The following PUDP variants were observed in gnomAD, a reference collection of about 807,000 sequenced individuals.
PUDP encodes the protein pseudouridine 5'-phosphatase, also known as pseudouridine-5'-phosphatase.
A neutral mutation model predicts 9.4 loss-of-function variants in PUDP; 8 were observed. The observed-to-expected ratio is 0.85, with a 90% CI of 0.50 to 1.53. The LOEUF (loss-of-function observed/expected upper bound fraction) is 1.53, where lower values mean the gene tolerates loss of function less well. PUDP is among the 40% of genes most tolerant of loss of function. The pLI, the probability that PUDP is intolerant of heterozygous loss-of-function variation, is 0.00. For missense variants in PUDP, 188 were observed against 189.7 expected (o/e 0.99, Z 0.05); for synonymous variants, 99 against 80.7 (o/e 1.23, Z -1.22).
chrX:6,975,838 G>A (rs1207153667), intron 3 of PUDP, among the ~76,000 whole-genome samples: 1 of 112,237 alleles, frequency 8.9e-6, no homozygotes, highest in African/African-American at 3.2e-5. Flanking sequence ...GTCTCAGGGA[G>A]ATGGGAGTTT....
At chrX:6,716,410 A>G (rs1259983262) in intron 1 of PUDP, among the ~76,000 whole-genome samples, 1 of 111,976 alleles carries the variant, frequency 8.9e-6, no homozygotes, top group Admixed American at 9.5e-5. Context: ...GACAGCTACA[A>G]CGAATGGCTT....
At chrX:7,109,254 A>C (rs1235008004) in intron 1 of PUDP, among the ~76,000 whole-genome samples, 1 of 111,882 alleles carries the variant, frequency 8.9e-6, no homozygotes, top group Non-Finnish European at 1.9e-5. Flanking sequence ...GGGCAAGGAG[A>C]TGGACGGATT....
At chrX:6,969,614 T>C (rs1278272502) in intron 3 of PUDP, among the ~76,000 whole-genome samples, 1 of 112,473 alleles carries the variant, frequency 8.9e-6, no homozygotes. Flanking sequence ...CAGTGGCTCA[T>C]GCTTATAATC....
chrX:7,108,221 G>A (rs1488115296), intron 1 of PUDP, among the ~76,000 whole-genome samples: 1 of 112,557 alleles, frequency 8.9e-6, no homozygotes, highest in Non-Finnish European at 1.9e-5. Context: ...GGCTCTTGCC[G>A]CCTTATACTC....
At chrX:6,823,212 G>C (rs1280535665) in intron 3 of PUDP, among the ~76,000 whole-genome samples, 1 of 110,806 alleles carries the variant, frequency 9.0e-6, no homozygotes, top group Non-Finnish European at 1.9e-5. Flanking sequence ...CTATGTAGTG[G>C]GTGAAGGAAA....
intron 3 of PUDP, among the ~76,000 whole-genome samples, chrX:6,790,934 C>A (rs983283754): frequency 2.5e-4 from 28 of 111,896 alleles, no homozygotes; most frequent in Non-Finnish European, 4.3e-4. Flanking sequence ...GACCTGTAAA[C>A]AAATGTAAAA....
chrX:6,752,457 G>C (rs367859285), intron 3 of PUDP, among the ~76,000 whole-genome samples: 1 of 111,886 alleles, frequency 8.9e-6, no homozygotes, highest in African/African-American at 3.2e-5. Context: ...GCCTGATCCA[G>C]GCTGTCCTTT....
chrX:6,714,600 GATAGATAC>G (rs1177729157), intron 1 of PUDP, among the ~76,000 whole-genome samples: 4 of 111,183 alleles, frequency 3.6e-5, no homozygotes, highest in Non-Finnish European at 7.6e-5. Context: ...AGATATGATA[GATAGATAC>G]ATAGATACGT....
intron 3 of PUDP, among the ~76,000 whole-genome samples, chrX:6,789,022 G>A (rs1376580815): frequency 9.0e-6 from 1 of 111,652 alleles, no homozygotes; most frequent in East Asian, 2.8e-4. Context: ...GGGCGCGGTG[G>A]CTCACGCCTG....
intron 2 of PUDP, among the ~76,000 whole-genome samples, chrX:7,080,087 T>G (rs377195968): frequency 2.7e-5 from 3 of 111,889 alleles, no homozygotes; most frequent in Non-Finnish European, 5.6e-5. Context: ...CTAGCTAAAC[T>G]GATCAAAAAA....
chrX:6,899,063 T>A (rs981577232), intron 3 of PUDP, among the ~76,000 whole-genome samples: 4 of 112,117 alleles, frequency 3.6e-5, no homozygotes, highest in African/African-American at 1.3e-4. Flanking sequence ...CTCCCTCCAG[T>A]CTCTTTAACC....
chrX:7,016,359 T>A (rs1380996290), intron 1 of PUDP, among the ~76,000 whole-genome samples: 3 of 110,362 alleles, frequency 2.7e-5, no homozygotes, highest in Non-Finnish European at 5.7e-5. Flanking sequence ...GGGAAGTTCA[T>A]ATGAGAATCT....
chrX:6,724,776 G>C (rs919778371), upstream of PUDP, among the ~76,000 whole-genome samples: 2 of 111,313 alleles, frequency 1.8e-5, no homozygotes, highest in African/African-American at 6.5e-5. Context: ...AGAAATATTT[G>C]TAAGAGTGAG....
Position 7,048,988 on chromosome X carries a change from T to G in PUDP, c.*1308A>C, listed in dbSNP as rs1930023738. ...GGAAATGGTAAGATGTTACAACTGGTTAAGAGGAGCATTAAAAGTGCAGAC... is the reference window on the plus strand; with the variant it reads ...GGAAATGGTAAGATGTTACAACTGGGTAAGAGGAGCATTAAAAGTGCAGAC... On this transcript the variant is annotated 3_prime_UTR_variant, in exon 4 of 4. Transcript: ENST00000381077. The G allele has an allele frequency of 8.9e-6, 1 of 112,131 alleles. No homozygotes were observed. Among genetic ancestry groups the G allele is most frequent in the South Asian group, 3.7e-4 (1 of 2,714 alleles). 9.2% of individuals were successfully genotyped at this position (112,131 alleles called of 1,213,427 possible).
At chrX:6,711,808 T>C (rs1924535542) in intron 1 of PUDP, among the ~76,000 whole-genome samples, 1 of 112,484 alleles carries the variant, frequency 8.9e-6, no homozygotes, top group African/African-American at 3.2e-5. Context: ...CCGCAGCTTA[T>C]GGGACCTTCC....
intron 3 of PUDP, among the ~76,000 whole-genome samples, chrX:6,885,798 G>C (rs961872746): frequency 2.7e-5 from 3 of 111,997 alleles, no homozygotes; most frequent in Non-Finnish European, 1.9e-5. Flanking sequence ...AAGAAACAAA[G>C]GCTCATAACT....
intron 1 of PUDP, among the ~76,000 whole-genome samples, chrX:7,137,196 G>A (rs1422856257): frequency 2.8e-5 from 3 of 105,700 alleles, no homozygotes; most frequent in Non-Finnish European, 5.8e-5. Flanking sequence ...AGCCAAGATC[G>A]CGCCATTGCA....
chrX:7,099,703 GC>G lies in PUDP; in HGVS notation c.280+5916del, dbSNP rs1309693712. ...GTGGCTAGACTGGCCCAGGCAAAGA[GC>G]CCTCCTATACCATGACCAGGCAGAC... On this transcript the variant is annotated intron_variant, in intron 2 of 3. Transcript: ENST00000381077. Among the ~76,000 whole-genome samples, 9 of 111,798 alleles carry G rather than the reference GC, an allele frequency of 8.1e-5. No homozygotes were observed. In the East Asian group the frequency reaches 2.5e-3, roughly 31 times the overall value.
upstream of PUDP, among the ~76,000 whole-genome samples, chrX:6,723,324 A>G (rs1170945789): frequency 9.7e-6 from 1 of 103,340 alleles, no homozygotes; most frequent in Non-Finnish European, 2.0e-5. Context: ...ATTCCCAGTT[A>G]CTCAGGAGGC....
Sources: allele counts gnomAD v4.1 joint callset (sites outside exome capture counted in the v4.1 genomes callset), GRCh38; gene constraint gnomAD v4.1.1; transcripts MANE v1.5; gene names NCBI Gene and HGNC (gene_info 2026-07-23, HGNC 2026-07-21).